The following CREB5 variants were observed in gnomAD, a reference collection of about 807,000 sequenced individuals.
CREB5 encodes the protein cAMP responsive element binding protein 5, also known as cyclic AMP-responsive element-binding protein 5.
CREB5 carries 19 observed loss-of-function variants against 57.1 expected under a neutral mutation model. That is an observed-to-expected ratio of 0.33 (90% CI 0.23 to 0.49). The LOEUF is 0.49. CREB5 is among the 20% of genes least tolerant of loss of function. The probability of loss-of-function intolerance (pLI) is 0.99; values close to 1 mark genes in which losing one functional copy is unlikely to be tolerated. For synonymous variants in CREB5, 238 were observed against 238.3 expected, an observed-to-expected ratio of 1.00 and a Z score of 0.01; for missense variants, 579 against 671.6, an observed-to-expected ratio of 0.86 and a Z score of 1.52.
intron 1 of CREB5, among the ~76,000 whole-genome samples, chr7:28,307,584 C>G (rs1463544015): frequency 6.6e-6 from 1 of 152,234 alleles, no homozygotes; most frequent in African/African-American, 2.4e-5. Context: ...TGGGCTTAGA[C>G]AGTTGCCATC....
At position 28,823,834 on chromosome 7, in the gene CREB5, T is replaced by C. The variant is rs1221578336; in HGVS notation, c.*4555T>C. On this transcript the variant is annotated 3_prime_UTR_variant, in exon 11 of 11. Transcript: ENST00000357727. Reference sequence around the variant, plus strand: ...GCTTTAAGCCATTCAAGCTCCATTATGCAGTATATCTGAGAAGGGAAAGGA... The same window carrying C: ...GCTTTAAGCCATTCAAGCTCCATTACGCAGTATATCTGAGAAGGGAAAGGA... 3 of 152,660 alleles carry C rather than the reference T, an allele frequency of 2.0e-5. No individual in the cohort carries two copies. The highest frequency in any genetic ancestry group is 2.4e-5 in the African/African-American group (1 of 41,464). 9.5% of individuals were successfully genotyped at this position (152,660 alleles called of 1,614,324 possible).
intron 4 of CREB5, among the ~76,000 whole-genome samples, chr7:28,560,897 C>CGTGGGT (rs1334757992): frequency 8.9e-5 from 2 of 22,548 alleles, no homozygotes; most frequent in East Asian, 1.0e-3. Context: ...CGTGTGTGTG[C>CGTGGGT]GTGCGCGCGT....
In CREB5 at chr7:28,820,989, G is replaced by A. The variant is rs1372058366; in HGVS notation, c.*1710G>A. The A allele has an allele frequency of 2.0e-5, 3 of 152,638 alleles. No individual in the cohort carries two copies. Among genetic ancestry groups the A allele is most frequent in the South Asian group, 2.1e-4 (1 of 4,826 alleles). The allele number at this position is 152,638 out of a possible 1,614,324, so 9.5% of individuals were successfully genotyped here. ...AGCAGATAGTCCCTGAACCACAGTCGTGCCTCCTTGAAACAAGCCATTCTA... is the reference window on the plus strand; with the variant it reads ...AGCAGATAGTCCCTGAACCACAGTCATGCCTCCTTGAAACAAGCCATTCTA... On this transcript the variant is annotated 3_prime_UTR_variant, in exon 11 of 11. Transcript: ENST00000357727.
chr7:28,658,369 T>A (rs1021434999), intron 5 of CREB5, among the ~76,000 whole-genome samples: 26 of 152,234 alleles, frequency 1.7e-4, no homozygotes, highest in African/African-American at 5.3e-4. Flanking sequence ...CCTCTGCCCA[T>A]GAACTGATTT....
chr7:28,381,405 A>T (rs1218963335), intron 1 of CREB5, among the ~76,000 whole-genome samples: 1 of 152,236 alleles, frequency 6.6e-6, no homozygotes, highest in East Asian at 1.9e-4. Context: ...TGAGAGTGAA[A>T]TTTAAGAAAC....
intron 1 of CREB5, among the ~76,000 whole-genome samples, chr7:28,459,700 A>G (rs549371573): frequency 5.3e-4 from 80 of 152,280 alleles, no homozygotes; most frequent in South Asian, 4.8e-3. Flanking sequence ...AGGCAGGGTG[A>G]CGTAAGGGGG....
intron 4 of CREB5, among the ~76,000 whole-genome samples, chr7:28,528,908 G>A (rs1020913669): frequency 6.6e-6 from 1 of 152,030 alleles, no homozygotes; most frequent in Non-Finnish European, 1.5e-5. Flanking sequence ...ACAACTTCCG[G>A]GATATCCTAA....
chr7:28,778,437 A>G (rs888049859), intron 7 of CREB5, among the ~76,000 whole-genome samples: 8 of 152,208 alleles, frequency 5.3e-5, no homozygotes, highest in African/African-American at 1.9e-4. Context: ...AGCAATTATC[A>G]TTAGAACTGA....
intron 1 of CREB5, among the ~76,000 whole-genome samples, chr7:28,378,042 G>A (rs113181126): frequency 6.6e-6 from 1 of 151,904 alleles, no homozygotes; most frequent in Non-Finnish European, 1.5e-5. Flanking sequence ...AAAACAGCTG[G>A]TTTGCTATAA....
chr7:28,732,866 C>T (rs1466951093), intron 7 of CREB5, among the ~76,000 whole-genome samples: 1 of 140,910 alleles, frequency 7.1e-6, no homozygotes, highest in Non-Finnish European at 1.6e-5. Context: ...TCTTAAAACC[C>T]AAGAATCCAA....
intron 1 of CREB5, among the ~76,000 whole-genome samples, chr7:28,354,044 G>T (rs1049672985): frequency 6.6e-6 from 1 of 152,182 alleles, no homozygotes; most frequent in African/African-American, 2.4e-5. Context: ...ATTTTTAGCA[G>T]AAGAGGGACT....
At position 28,626,200 on chromosome 7, in the gene CREB5, G is replaced by T. The variant is rs150844691; in HGVS notation, c.464+55663G>T. 6.6e-5 allele frequency among the ~76,000 whole-genome samples: 10 copies of T among 152,240 alleles called. No individual in the cohort carries two copies. In the East Asian group the frequency reaches 1.9e-3, roughly 29 times the overall value. The stretch of plus-strand genomic sequence containing the variant: ...TCATTTATTTCTACCTTAAAAGATT[G>T]CTTCTTGTCAAATGCTCCACTGGCT... On this transcript the variant is annotated intron_variant, in intron 5 of 10. Transcript: ENST00000357727.
At chr7:28,664,245 T>G (rs1320051102) in intron 5 of CREB5, among the ~76,000 whole-genome samples, 1 of 152,220 alleles carries the variant, frequency 6.6e-6, no homozygotes, top group East Asian at 1.9e-4. Context: ...GAGATAGAAT[T>G]AACATTCTTG....
At position 28,821,126 on chromosome 7, in the gene CREB5, A is replaced by AGTGTG. The variant is rs1554304539; in HGVS notation, c.*1847_*1848insGTGTG. The AGTGTG allele has an allele frequency of 6.8e-6, 1 of 146,342 alleles. No homozygotes were observed. The highest frequency in any genetic ancestry group is 1.5e-5 in the Non-Finnish European group (1 of 66,500). The allele number at this position is 146,342 out of a possible 1,614,324, so 9.1% of individuals were successfully genotyped here. On this transcript the variant is annotated 3_prime_UTR_variant, in exon 11 of 11. Coordinates refer to ENST00000357727, the MANE Select transcript of CREB5 (RefSeq NM_182898.4). ...CTCCATTTGAATGCTTGACCTCTTA[A>AGTGTG]TGTGTGTGTGTGTGTGTGTGTGTGT... is the stretch of plus-strand genomic sequence containing the variant.
chr7:28,648,391 G>T (rs2128705256), intron 5 of CREB5, among the ~76,000 whole-genome samples: 2 of 152,198 alleles, frequency 1.3e-5, no homozygotes, highest in South Asian at 4.2e-4. Flanking sequence ...CAATGAACAG[G>T]CTGTATTGCC....
At chr7:28,420,671 G>A (rs1327727502) in intron 1 of CREB5, among the ~76,000 whole-genome samples, 1 of 152,128 alleles carries the variant, frequency 6.6e-6, no homozygotes, top group African/African-American at 2.4e-5. Context: ...AGCCGGGCAT[G>A]GTGGCACACA....
chr7:28,481,339 GA>G (rs1490443678), intron 1 of CREB5, among the ~76,000 whole-genome samples: 1 of 152,200 alleles, frequency 6.6e-6, no homozygotes, highest in Non-Finnish European at 1.5e-5. Flanking sequence ...TATCTTTGAA[GA>G]ACAGGGATAT....
intron 7 of CREB5, among the ~76,000 whole-genome samples, chr7:28,743,853 T>TTA (rs1448542191): frequency 6.9e-6 from 1 of 144,776 alleles, no homozygotes; most frequent in Non-Finnish European, 1.5e-5. Context: ...TTTTTTTTTT[T>TTA]TTTTTTTTTA....
At chr7:28,547,327 C>T (rs567868225) in intron 4 of CREB5, among the ~76,000 whole-genome samples, 3 of 152,232 alleles carry the variant, frequency 2.0e-5, no homozygotes, top group South Asian at 2.1e-4. Context: ...TCTATTTTTT[C>T]ATTGTTTTTC....
Sources: allele counts gnomAD v4.1 joint callset (sites outside exome capture counted in the v4.1 genomes callset), GRCh38; gene constraint gnomAD v4.1.1; transcripts MANE v1.5; gene names NCBI Gene and HGNC (gene_info 2026-07-23, HGNC 2026-07-21).